Variants in LOC128462377 observed in about 807,000 individuals in gnomAD.
chr16:89,349,861 AACACACAC>A, the LOC128462377 span, among the ~76,000 whole-genome samples: 5,186 of 133,162 alleles, frequency 0.039, 123 homozygotes, highest in East Asian at 0.11. Context: ...TACTTGTTAA[AACACACAC>A]ACACACACAC....
the LOC128462377 span, among the ~76,000 whole-genome samples, chr16:89,398,203 G>A: frequency 6.6e-6 from 1 of 152,052 alleles, no homozygotes; most frequent in Non-Finnish European, 1.5e-5. Context: ...CTGTGAAACA[G>A]CTGAAGATTA....
the LOC128462377 span, chr16:89,320,478 G>T: frequency 6.6e-6 from 1 of 152,216 alleles, no homozygotes; most frequent in South Asian, 2.1e-4. Context: ...CACAGCCGCG[G>T]GAAGGTAAAC....
chr16:89,319,673 C>A, the LOC128462377 span, among the ~76,000 whole-genome samples: 1 of 152,240 alleles, frequency 6.6e-6, no homozygotes, highest in African/African-American at 2.4e-5. Flanking sequence ...ATGGTGACAG[C>A]TGAGATGTCC....
chr16:89,331,301 T>C, the LOC128462377 span, among the ~76,000 whole-genome samples: 3 of 152,188 alleles, frequency 2.0e-5, no homozygotes, highest in African/African-American at 7.2e-5. Context: ...CTTTTTACTC[T>C]ATAATGAGGC....
the LOC128462377 span, among the ~76,000 whole-genome samples, chr16:89,399,599 TACGTTCATCCA>T: frequency 6.6e-6 from 1 of 152,202 alleles, no homozygotes; most frequent in South Asian, 2.1e-4. Context: ...CACATCAGGA[TACGTTCATCCA>T]ACCATAGACT....
chr16:89,347,486 C>T, the LOC128462377 span, among the ~76,000 whole-genome samples: 15 of 152,028 alleles, frequency 9.9e-5, no homozygotes, highest in African/African-American at 2.9e-4. Context: ...TGGCAGGCGC[C>T]GGTAGTCCCA....
At chr16:89,322,844 C>A in the LOC128462377 span, among the ~76,000 whole-genome samples, 1 of 151,830 alleles carries the variant, frequency 6.6e-6, no homozygotes, top group Non-Finnish European at 1.5e-5. Flanking sequence ...CTGAAGAGTT[C>A]TTTTGTTTGT....
the LOC128462377 span, among the ~76,000 whole-genome samples, chr16:89,333,833 C>T: frequency 1.3e-5 from 2 of 152,276 alleles, no homozygotes; most frequent in Non-Finnish European, 2.9e-5. Flanking sequence ...GGGCACTGCA[C>T]ACCATCACAG....
the LOC128462377 span, among the ~76,000 whole-genome samples, chr16:89,418,036 C>T: frequency 3.9e-5 from 6 of 152,252 alleles, no homozygotes; most frequent in East Asian, 1.2e-3. Flanking sequence ...TATTAACAAC[C>T]TATTTAATTT....
the LOC128462377 span, among the ~76,000 whole-genome samples, chr16:89,339,483 C>T: frequency 1.3e-5 from 2 of 152,030 alleles, no homozygotes; most frequent in Admixed American, 6.6e-5. Context: ...GTGCACGCAG[C>T]GCATGTGAAG....
chr16:89,374,433 G>C, the LOC128462377 span, among the ~76,000 whole-genome samples: 2 of 152,032 alleles, frequency 1.3e-5, no homozygotes, highest in Non-Finnish European at 2.9e-5. Context: ...GATACAACAG[G>C]AACTGTACAT....
At chr16:89,413,550 G>A in the LOC128462377 span, among the ~76,000 whole-genome samples, 4 of 152,138 alleles carry the variant, frequency 2.6e-5, no homozygotes, top group Non-Finnish European at 2.9e-5. Context: ...GCGTGAACCC[G>A]GGAGGCGGAG....
chr16:89,377,827 G>A, the LOC128462377 span, among the ~76,000 whole-genome samples: 3 of 151,932 alleles, frequency 2.0e-5, no homozygotes, highest in Non-Finnish European at 4.4e-5. Context: ...CACCAAATGC[G>A]CCTGCCTCTC....
chr16:89,380,300 T>C, the LOC128462377 span, among the ~76,000 whole-genome samples: 5 of 152,146 alleles, frequency 3.3e-5, no homozygotes, highest in Non-Finnish European at 7.4e-5. Flanking sequence ...TTAGTAGAGA[T>C]GGGGTTTCTC....
the LOC128462377 span, among the ~76,000 whole-genome samples, chr16:89,383,708 C>G: frequency 1.3e-5 from 2 of 152,138 alleles, no homozygotes; most frequent in Admixed American, 6.5e-5. Flanking sequence ...GCCCTCGGAC[C>G]AGCAACGCAG....
At chr16:89,380,952 C>T in the LOC128462377 span, among the ~76,000 whole-genome samples, 4 of 152,162 alleles carry the variant, frequency 2.6e-5, no homozygotes, top group African/African-American at 9.7e-5. Context: ...CCAGTGTGGG[C>T]CCACTCTGCT....
chr16:89,327,529 A>C, the LOC128462377 span, among the ~76,000 whole-genome samples: 12 of 152,294 alleles, frequency 7.9e-5, no homozygotes, highest in Non-Finnish European at 1.6e-4. Context: ...GCAAGGACAC[A>C]GAATCCAAGA....
At chr16:89,383,731 C>T in the LOC128462377 span, among the ~76,000 whole-genome samples, 1 of 152,152 alleles carries the variant, frequency 6.6e-6, no homozygotes, top group African/African-American at 2.4e-5. Context: ...GACGTCCAGC[C>T]CCTGCACTCG....
the LOC128462377 span, among the ~76,000 whole-genome samples, chr16:89,332,960 G>T: frequency 2.0e-5 from 3 of 152,234 alleles, no homozygotes; most frequent in Non-Finnish European, 4.4e-5. Context: ...CAGAACAGCG[G>T]GGCTGCTCCA....
Sources: allele counts gnomAD v4.1 joint callset (sites outside exome capture counted in the v4.1 genomes callset), GRCh38; gene constraint gnomAD v4.1.1; transcripts MANE v1.5.